RALYL: variants seen among roughly 807,000 people sequenced by gnomAD.
RALYL encodes the protein RNA-binding Raly-like protein.
Under a neutral mutation model 35.1 loss-of-function variants are expected in RALYL, and 29 were observed. The observed-to-expected ratio is 0.83, with a 90% confidence interval of 0.61 to 1.13. The LOEUF is 1.13. Ranked by LOEUF, RALYL falls within the 50% of genes most tolerant of loss-of-function variation. The pLI is 0.00. For synonymous variants in RALYL, 120 were observed against 127.6 expected (o/e 0.94, Z 0.40); for missense variants, 359 against 360.4 (o/e 1.00, Z 0.03).
chr8:84,275,372 T>C (rs529574638), intron 1 of RALYL, among the ~76,000 whole-genome samples: 220 of 152,200 alleles, frequency 1.4e-3, no homozygotes, highest in Non-Finnish European at 2.9e-3. Context: ...GGAATTCATA[T>C]TACAAGCAAC....
intron 1 of RALYL, among the ~76,000 whole-genome samples, chr8:84,467,319 T>C (rs1437534293): frequency 6.6e-6 from 1 of 151,516 alleles, no homozygotes; most frequent in Non-Finnish European, 1.5e-5. Context: ...TTTGAATGCG[T>C]CCCAGAGATT....
At chr8:84,388,863 A>C (rs947131032) in intron 1 of RALYL, among the ~76,000 whole-genome samples, 3 of 151,854 alleles carry the variant, frequency 2.0e-5, no homozygotes, top group African/African-American at 7.3e-5. Flanking sequence ...CCCATTTGTC[A>C]ATTTTGGCTT....
chr8:84,302,148 C>T (rs1840920987), intron 1 of RALYL, among the ~76,000 whole-genome samples: 2 of 152,100 alleles, frequency 1.3e-5, no homozygotes, highest in Admixed American at 1.3e-4. Context: ...GATGTGGAGT[C>T]ACTTACCCCA....
Position 84,208,218 on chromosome 8 carries a change from G to A in RALYL, c.-24+23794G>A, listed in dbSNP as rs531804957. Reference sequence around the variant, plus strand: ...TTAAATTGTGAAATCAGTAATAAAAGTCTGTGTGTTAAAAATCGTTAGCAC... The same window carrying A: ...TTAAATTGTGAAATCAGTAATAAAAATCTGTGTGTTAAAAATCGTTAGCAC... On this transcript the variant is annotated intron_variant, in intron 1 of 8. Coordinates refer to ENST00000521268, the MANE Select transcript of RALYL (RefSeq NM_173848.7). Among the ~76,000 whole-genome samples, 4 of 152,222 alleles carry A rather than the reference G, an allele frequency of 2.6e-5. No homozygotes were observed. The South Asian group carries it at 8.3e-4, about 32-fold the overall frequency.
intron 1 of RALYL, among the ~76,000 whole-genome samples, chr8:84,516,392 A>G (rs1435055443): frequency 2.2e-5 from 3 of 137,600 alleles, no homozygotes; most frequent in Non-Finnish European, 4.9e-5. Context: ...AAATCCATAT[A>G]TTTAAATTTC....
chr8:84,712,859 A>G (rs1446986471), intron 2 of RALYL, among the ~76,000 whole-genome samples: 1 of 152,200 alleles, frequency 6.6e-6, no homozygotes, highest in Non-Finnish European at 1.5e-5. Flanking sequence ...ATATTAGTCT[A>G]TCATTTTAAC....
At chr8:84,898,377 C>T (rs1308344660) in intron 8 of RALYL, among the ~76,000 whole-genome samples, 1 of 152,160 alleles carries the variant, frequency 6.6e-6, no homozygotes, top group Non-Finnish European at 1.5e-5. Context: ...TTCATAAACA[C>T]CAATGACAGG....
chr8:84,877,717 TG>T lies in RALYL; in HGVS notation c.685+4321del, dbSNP rs550510803. ...AGTTGCTTCTCATTTAACTTGGTTT[TG>T]CACCTTAAACTATTGCCATCTCTCT... On this transcript the variant is annotated intron_variant, in intron 7 of 8. Transcript: ENST00000521268. Among the ~76,000 whole-genome samples, 272 of 152,256 alleles carry T rather than the reference TG, an allele frequency of 1.8e-3. 4 individuals are homozygous for T. The highest frequency in any genetic ancestry group is 6.4e-3 in the African/African-American group (266 of 41,568).
At chr8:84,721,716 G>A (rs534491499) in intron 2 of RALYL, among the ~76,000 whole-genome samples, 1 of 152,124 alleles carries the variant, frequency 6.6e-6, no homozygotes, top group African/African-American at 2.4e-5. Context: ...TGGACAGAAG[G>A]GAATAATTTG....
intron 1 of RALYL, among the ~76,000 whole-genome samples, chr8:84,201,637 A>AT (rs1816872584): frequency 6.6e-6 from 1 of 150,854 alleles, no homozygotes; most frequent in Non-Finnish European, 1.5e-5. Flanking sequence ...ATCATGGCTC[A>AT]TTGTAATCTT....
chr8:84,718,731 C>T (rs1843347566), intron 2 of RALYL, among the ~76,000 whole-genome samples: 1 of 151,684 alleles, frequency 6.6e-6, no homozygotes, highest in Non-Finnish European at 1.5e-5. Flanking sequence ...CACCACTGCA[C>T]TCTAGCCTGG....
chr8:84,706,665 G>T (rs1381397727), intron 2 of RALYL, among the ~76,000 whole-genome samples: 1 of 152,084 alleles, frequency 6.6e-6, no homozygotes, highest in East Asian at 1.9e-4. Context: ...AACTGATTCT[G>T]GCTGAAAAGG....
At chr8:84,821,820 A>T (rs1039480073) in intron 4 of RALYL, among the ~76,000 whole-genome samples, 7 of 152,194 alleles carry the variant, frequency 4.6e-5, no homozygotes, top group African/African-American at 1.7e-4. Flanking sequence ...GCTTATCAGG[A>T]AGAAAAAATG....
At chr8:84,606,285 A>G (rs1353302389) in intron 2 of RALYL, among the ~76,000 whole-genome samples, 2 of 152,050 alleles carry the variant, frequency 1.3e-5, no homozygotes, top group Non-Finnish European at 2.9e-5. Flanking sequence ...AATTTCTTCA[A>G]TCATAGGAAA....
intron 4 of RALYL, among the ~76,000 whole-genome samples, chr8:84,844,516 C>T (rs1315262707): frequency 4.6e-5 from 7 of 152,152 alleles, no homozygotes; most frequent in Non-Finnish European, 8.8e-5. Flanking sequence ...TTTACACTGT[C>T]AGTGGGACTG....
chr8:84,648,999 G>T lies in RALYL; in HGVS notation c.256+119422G>T, dbSNP rs112253708. Among the ~76,000 whole-genome samples, 320 of 151,928 alleles carry T rather than the reference G, an allele frequency of 2.1e-3. 1 individual carries two copies. Among genetic ancestry groups the T allele is most frequent in the African/African-American group, 7.2e-3 (299 of 41,486 alleles). On this transcript the variant is annotated intron_variant, in intron 2 of 8. Coordinates refer to ENST00000521268, the MANE Select transcript of RALYL (RefSeq NM_173848.7). ...TAACACCACATGGTGCTCATTCATA[G>T]AGTAAATATTTGTTAAATGAATTTC...
chr8:84,277,326 T>C (rs923665240), intron 1 of RALYL, among the ~76,000 whole-genome samples: 18 of 152,124 alleles, frequency 1.2e-4, no homozygotes, highest in African/African-American at 4.3e-4. Context: ...TTCACTACCA[T>C]GAGAACAGTA....
At chr8:84,834,630 A>T (rs1235275872) in intron 4 of RALYL, among the ~76,000 whole-genome samples, 2 of 152,190 alleles carry the variant, frequency 1.3e-5, no homozygotes, top group African/African-American at 2.4e-5. Context: ...CAGGCAAAGG[A>T]GGAAGTCCAG....
intron 1 of RALYL, among the ~76,000 whole-genome samples, chr8:84,449,491 C>T (rs1384089508): frequency 6.6e-6 from 1 of 151,912 alleles, no homozygotes; most frequent in African/African-American, 2.4e-5. Context: ...AATCTAGGGG[C>T]TGAAAAAGGG....
Sources: gnomAD v4.1 joint callset for allele counts (sites outside exome capture counted in the v4.1 genomes callset) on GRCh38, gnomAD v4.1.1 for gene constraint, MANE v1.5 for transcripts, NCBI Gene and HGNC (gene_info 2026-07-23, HGNC 2026-07-21) for gene names.